The following SETD3 variants were observed in gnomAD, a reference collection of about 807,000 sequenced individuals.
SETD3 encodes SET domain containing 3, actin N3(tau)-histidine methyltransferase, also known as actin-histidine N-methyltransferase.
SETD3 carries 19 observed loss-of-function variants against 63.0 expected under a neutral mutation model. The observed-to-expected ratio is 0.30, with a 90% CI of 0.21 to 0.44. The LOEUF (loss-of-function observed/expected upper bound fraction) is 0.44, where lower values mean the gene tolerates loss of function less well. Ranked by LOEUF, SETD3 falls within the 20% of genes least tolerant of loss-of-function variation. The pLI, the probability that SETD3 is intolerant of heterozygous loss-of-function variation, is 1.00. For synonymous variants in SETD3, 286 were observed against 264.1 expected, an observed-to-expected ratio of 1.08 and a Z score of -0.80; for missense variants, 587 against 728.5, an observed-to-expected ratio of 0.81 and a Z score of 2.24.
At chr14:99,433,989 G>A (rs191152433) in intron 6 of SETD3, among the ~76,000 whole-genome samples, 15 of 152,174 alleles carry the variant, frequency 9.9e-5, no homozygotes, top group East Asian at 1.9e-4. Flanking sequence ...TTCAGAGAAC[G>A]GTTTATCAAC....
At chr14:99,447,131 C>A (rs1894180633) in intron 6 of SETD3, among the ~76,000 whole-genome samples, 1 of 152,132 alleles carries the variant, frequency 6.6e-6, no homozygotes, top group Non-Finnish European at 1.5e-5. Flanking sequence ...GCCACCACGC[C>A]CAGCTAATTT....
chr14:99,453,641 A>G (rs1894587861), intron 6 of SETD3, among the ~76,000 whole-genome samples: 1 of 152,140 alleles, frequency 6.6e-6, no homozygotes, highest in South Asian at 2.1e-4. Context: ...CCTGGCCAAC[A>G]TGGTGAAGCC....
chr14:99,476,959 T>G (rs1896004029), intron 1 of SETD3, among the ~76,000 whole-genome samples: 1 of 152,210 alleles, frequency 6.6e-6, no homozygotes, highest in African/African-American at 2.4e-5. Flanking sequence ...TTTTTTGTCC[T>G]TCTAAAAAAC....
intron 3 of SETD3, among the ~76,000 whole-genome samples, chr14:99,461,998 TG>T: frequency 6.6e-6 from 1 of 152,330 alleles, no homozygotes; most frequent in South Asian, 2.1e-4. Flanking sequence ...GGGTTATTTA[TG>T]AAGTAGAAAA....
chr14:99,423,934 A>C (rs1315953691), intron 6 of SETD3, among the ~76,000 whole-genome samples: 1 of 152,052 alleles, frequency 6.6e-6, no homozygotes, highest in African/African-American at 2.4e-5. Context: ...CTACTGATCA[A>C]TAGTGGTAAA....
intron 6 of SETD3, among the ~76,000 whole-genome samples, chr14:99,446,972 T>C (rs1357053868): frequency 8.5e-5 from 2 of 23,606 alleles, no homozygotes; most frequent in Non-Finnish European, 2.1e-4. Context: ...AAGTATTTCA[T>C]TTCTTTTTTT....
At chr14:99,474,098 A>G (rs1183193756) in intron 1 of SETD3, among the ~76,000 whole-genome samples, 1 of 152,154 alleles carries the variant, frequency 6.6e-6, no homozygotes, top group African/African-American at 2.4e-5. Flanking sequence ...AGGCGGGTGG[A>G]TCATTTGAGG....
chr14:99,404,114 A>C, intron 11 of SETD3, 111 bp downstream of exon 11: 1 of 756,414 alleles, frequency 1.3e-6, no homozygotes. Flanking sequence ...TCTCTTCCCA[A>C]AAGTACTGTA....
rs1262522785 is a variant in SETD3 at position 99,398,975 on chromosome 14, C to T, written c.1489G>A (p.Ala497Thr). Residue 497 changes from alanine to threonine, a missense_variant, in exon 13 of 13, where the codon GCT (alanine) becomes ACT (threonine). Ala to Thr is a moderately conservative substitution (Grantham distance 58). Coordinates refer to ENST00000331768, the MANE Select transcript of SETD3 (RefSeq NM_032233.3). ...EYYRQQMEEK[A>T]PLPKYEESNL... ...CTCTCTTCATATTTGGGAAGCGGAGCCTTTTCCTCCATCTGTTGGCGATAG... is the reference window on the plus strand; with the variant it reads ...CTCTCTTCATATTTGGGAAGCGGAGTCTTTTCCTCCATCTGTTGGCGATAG... The T allele has an allele frequency of 2.5e-6, 4 of 1,614,172 alleles. No homozygotes were observed. The highest frequency in any genetic ancestry group is 3.4e-6 in the Non-Finnish European group (4 of 1,180,030).
intron 6 of SETD3, among the ~76,000 whole-genome samples, chr14:99,423,199 A>T (rs1400888275): frequency 6.6e-6 from 1 of 152,206 alleles, no homozygotes; most frequent in African/African-American, 2.4e-5. Context: ...TATAATATAC[A>T]GTCACTGAGA....
intron 11 of SETD3, among the ~76,000 whole-genome samples, chr14:99,402,245 G>C (rs1223177658): frequency 6.6e-6 from 1 of 152,174 alleles, no homozygotes; most frequent in African/African-American, 2.4e-5. Context: ...CAGACCCCTA[G>C]AGCACTAAGA....
upstream of SETD3, chr14:99,481,468 C>T (rs1896315505): frequency 2.0e-5 from 8 of 398,708 alleles, no homozygotes; most frequent in Admixed American, 3.5e-4. Context: ...AGGGGCTTGC[C>T]TGAAGCGAGG....
intron 6 of SETD3, among the ~76,000 whole-genome samples, chr14:99,457,923 C>T (rs1894851089): frequency 6.6e-6 from 1 of 152,062 alleles, no homozygotes; most frequent in Non-Finnish European, 1.5e-5. Flanking sequence ...AAAATTAACC[C>T]TCATTTTCTT....
intron 11 of SETD3, among the ~76,000 whole-genome samples, chr14:99,402,340 G>A (rs1337748249): frequency 6.6e-6 from 1 of 152,206 alleles, no homozygotes; most frequent in Non-Finnish European, 1.5e-5. Flanking sequence ...TAACAGAGGT[G>A]GGTTCTAAGT....
At chr14:99,438,081 A>G (rs1388311959) in intron 6 of SETD3, among the ~76,000 whole-genome samples, 4 of 152,224 alleles carry the variant, frequency 2.6e-5, no homozygotes, top group African/African-American at 9.6e-5. Flanking sequence ...TTAATTTTAA[A>G]TGACTTCAGA....
intron 6 of SETD3, among the ~76,000 whole-genome samples, chr14:99,442,051 G>A (rs1237820256): frequency 3.9e-5 from 6 of 152,114 alleles, no homozygotes; most frequent in South Asian, 2.1e-4. Flanking sequence ...GTGCGCAGAC[G>A]CCCACGGCAT....
intron 6 of SETD3, among the ~76,000 whole-genome samples, chr14:99,455,117 G>C (rs1894683823): frequency 6.6e-6 from 1 of 152,236 alleles, no homozygotes; most frequent in African/African-American, 2.4e-5. Context: ...TACAAAGCAT[G>C]TGCTCTTTCC....
upstream of SETD3, among the ~76,000 whole-genome samples, chr14:99,484,893 G>A (rs1033919775): frequency 2.0e-5 from 3 of 152,200 alleles, no homozygotes; most frequent in Non-Finnish European, 2.9e-5. Context: ...TATTTATGAA[G>A]CACATTCCTG....
intron 6 of SETD3, among the ~76,000 whole-genome samples, chr14:99,417,902 GA>G (rs1161244203): frequency 6.6e-6 from 1 of 151,942 alleles, no homozygotes; most frequent in Non-Finnish European, 1.5e-5. Flanking sequence ...ATGCTCTGAA[GA>G]AAAAAATATA....
Sources: gnomAD v4.1 joint callset for allele counts (sites outside exome capture counted in the v4.1 genomes callset) on GRCh38, gnomAD v4.1.1 for gene constraint, MANE v1.5 for transcripts, NCBI Gene and HGNC (gene_info 2026-07-23, HGNC 2026-07-21) for gene names.